The following BTNL8 variants were observed in gnomAD, a reference collection of about 807,000 sequenced individuals.
BTNL8 encodes butyrophilin-like protein 8.
Under a neutral mutation model 36.1 loss-of-function variants are expected in BTNL8, and 22 were observed. The ratio of observed to expected loss-of-function variants is 0.61; its 90% CI spans 0.44 to 0.87. The LOEUF (loss-of-function observed/expected upper bound fraction) is 0.87, where lower values mean the gene tolerates loss of function less well. Ranked by LOEUF, BTNL8 falls within the 40% of genes least tolerant of loss-of-function variation. The probability of loss-of-function intolerance (pLI) is 0.00; values close to 1 mark genes in which losing one functional copy is unlikely to be tolerated. For missense variants in BTNL8, 526 were observed against 616.9 expected, an observed-to-expected ratio of 0.85 and a Z score of 1.56; for synonymous variants, 203 against 235.6, an observed-to-expected ratio of 0.86 and a Z score of 1.27.
intron 7 of BTNL8, 95 bp from the exon 8 acceptor site, chr5:180,949,809 C>T (rs546984623): frequency 4.3e-6 from 6 of 1,386,580 alleles, no homozygotes; most frequent in South Asian, 3.7e-5. Context: ...CTATGCCACC[C>T]AGAGCCAGTC....
Position 180,907,896 on chromosome 5 carries a change from G to A in BTNL8, c.50-690G>A, listed in dbSNP as rs1462460136. 4.2e-4 allele frequency among the ~76,000 whole-genome samples: 64 copies of A among 151,782 alleles called. 1 individual carries two copies. The highest frequency in any genetic ancestry group is 4.0e-3 in the Admixed American group (61 of 15,256). On this transcript the variant is annotated intron_variant, in intron 1 of 7. Coordinates refer to ENST00000340184, the MANE Select transcript of BTNL8 (RefSeq NM_001040462.3). ...CCAGTTCTCAGATCTCCAGCTGCGT[G>A]CTGGGAGAACCACTGCTCTCTTCAA...
intron 2 of BTNL8, among the ~76,000 whole-genome samples, chr5:180,910,148 G>A (rs957450962): frequency 2.0e-5 from 3 of 152,052 alleles, no homozygotes; most frequent in Non-Finnish European, 4.4e-5. Context: ...AGAATCTCAG[G>A]CCTTGGGCAG....
At chr5:180,943,181 C>G (rs141271420) in intron 3 of BTNL8, among the ~76,000 whole-genome samples, 2,303 of 136,332 alleles carry the variant, frequency 0.017, 69 homozygotes, top group African/African-American at 0.061. Flanking sequence ...GTCGCCCAGA[C>G]TGCAGTGCAA....
rs569104776 is a variant in BTNL8, at chr5:180,919,209, C to G, written c.673+7595C>G. The stretch of plus-strand genomic sequence containing the variant: ...GTTGGGATTTGGTATCTTATTGCTA[C>G]AAAGAGTCTGTTTTGTCAGTCTTAA... On this transcript the variant is annotated intron_variant, in intron 3 of 7. Coordinates refer to ENST00000340184, the MANE Select transcript of BTNL8 (RefSeq NM_001040462.3). Among the ~76,000 whole-genome samples the G allele has an allele frequency of 3.9e-5, 6 of 152,306 alleles. No individual in the cohort carries two copies. The South Asian group carries it at 1.2e-3, about 32-fold the overall frequency.
chr5:180,923,084 C>T (rs188335788), intron 3 of BTNL8, among the ~76,000 whole-genome samples: 49 of 152,206 alleles, frequency 3.2e-4, no homozygotes, highest in African/African-American at 1.2e-3. Context: ...GATGTTGTTG[C>T]GTGTGAGATT....
intron 3 of BTNL8, chr5:180,945,751 G>T: frequency 2.0e-6 from 1 of 497,664 alleles, no homozygotes; most frequent in Non-Finnish European, 4.0e-6. Flanking sequence ...ACTCCTGAGA[G>T]CAAGATGGGT....
chr5:180,909,219 G>T (rs573324975), intron 2 of BTNL8, among the ~76,000 whole-genome samples: 2 of 151,960 alleles, frequency 1.3e-5, no homozygotes, highest in African/African-American at 2.4e-5. Flanking sequence ...CCCTGCCTGG[G>T]GTTTTCCATC....
At chr5:180,919,837 A>C (rs186497545) in intron 3 of BTNL8, among the ~76,000 whole-genome samples, 1 of 152,322 alleles carries the variant, frequency 6.6e-6, no homozygotes, top group East Asian at 1.9e-4. Flanking sequence ...CAATGAGGTC[A>C]AAGATCTGTA....
chr5:180,946,934 G>A (rs546710091), intron 3 of BTNL8, among the ~76,000 whole-genome samples: 1 of 152,260 alleles, frequency 6.6e-6, no homozygotes, highest in South Asian at 2.1e-4. Flanking sequence ...TAGTTTTTCA[G>A]ACAAGATGCA....
chr5:180,931,698 C>T (rs1431746941), intron 3 of BTNL8, among the ~76,000 whole-genome samples: 4 of 151,896 alleles, frequency 2.6e-5, no homozygotes, highest in Non-Finnish European at 2.9e-5. Context: ...GGCCAACAAA[C>T]GTGAAAAAAA....
At chr5:180,924,642 C>T (rs1758015411) in intron 3 of BTNL8, among the ~76,000 whole-genome samples, 1 of 152,186 alleles carries the variant, frequency 6.6e-6, no homozygotes, top group Non-Finnish European at 1.5e-5. Context: ...TTCAGAATCC[C>T]AGGCTATATT....
At chr5:180,934,603 G>C (rs1013028593) in intron 3 of BTNL8, among the ~76,000 whole-genome samples, 1 of 152,250 alleles carries the variant, frequency 6.6e-6, no homozygotes, top group Admixed American at 6.5e-5. Context: ...ACAGGTGCCA[G>C]CTCCATGTAA....
chr5:180,907,363 T>C (rs1017305528), intron 1 of BTNL8, among the ~76,000 whole-genome samples: 3 of 125,596 alleles, frequency 2.4e-5, no homozygotes, highest in African/African-American at 1.2e-4. Flanking sequence ...AGCCTTGGTT[T>C]TCAGCTCCAT....
In BTNL8 at chr5:180,941,886, A is replaced by G. The variant is rs1758975017; in HGVS notation, c.674-5626A>G. Among the ~76,000 whole-genome samples, 4 of 61,188 alleles carry G rather than the reference A, an allele frequency of 6.5e-5. No homozygotes were observed. In the South Asian group the frequency reaches 1.3e-3, roughly 21 times the overall value. The allele number at this position is 61,188 out of a possible 152,430, so 40.1% of individuals were successfully genotyped here. A position where few individuals can be genotyped will look rare whatever the true frequency, so the allele number is the denominator to read the frequency against. On this transcript the variant is annotated intron_variant, in intron 3 of 7. Transcript: ENST00000340184. ...AAGCTTTTCAATAAGAACTGGAACA[A>G]GACAAGGATGCCCACTTTTACTACT...
chr5:180,932,621 T>A (rs748678736), intron 3 of BTNL8, among the ~76,000 whole-genome samples: 3 of 152,178 alleles, frequency 2.0e-5, no homozygotes, highest in Non-Finnish European at 2.9e-5. Context: ...AGTGCTGGGA[T>A]TACAGGCGTG....
At chr5:180,906,268 A>G (rs1436380986) in intron 1 of BTNL8, among the ~76,000 whole-genome samples, 1 of 147,918 alleles carries the variant, frequency 6.8e-6, no homozygotes, top group Non-Finnish European at 1.5e-5. Flanking sequence ...TCCCTTTACC[A>G]TTATGTAATG....
intron 1 of BTNL8, among the ~76,000 whole-genome samples, chr5:180,907,872 C>T (rs1447870344): frequency 2.6e-5 from 4 of 151,130 alleles, no homozygotes; most frequent in Non-Finnish European, 1.5e-5. Context: ...GGCAGTCTGC[C>T]AGTTCTCAGA....
Position 180,947,505 on chromosome 5 carries a change from T to C in BTNL8, c.674-7T>C. The stretch of plus-strand genomic sequence containing the variant: ...ATAACTAAAATGTCTGTGGGATTGT[T>C]TTTCAGATACCTTTTTCGAGCCTAT... On this transcript the variant is annotated splice_polypyrimidine_tract_variant and splice_region_variant and intron_variant, in intron 3 of 7. Coordinates refer to ENST00000340184, the MANE Select transcript of BTNL8 (RefSeq NM_001040462.3). The C allele has an allele frequency of 2.5e-6, 4 of 1,612,558 alleles. No homozygotes were observed. Among genetic ancestry groups the C allele is most frequent in the Non-Finnish European group, 3.4e-6 (4 of 1,178,646 alleles).
chr5:180,934,630 A>C (rs1758559919), intron 3 of BTNL8, among the ~76,000 whole-genome samples: 1 of 152,202 alleles, frequency 6.6e-6, no homozygotes, highest in Admixed American at 6.5e-5. Context: ...GTGTGGCTAG[A>C]TCAGATGCAC....
Sources: allele counts gnomAD v4.1 joint callset (sites outside exome capture counted in the v4.1 genomes callset), GRCh38; gene constraint gnomAD v4.1.1; transcripts MANE v1.5; gene names NCBI Gene and HGNC (gene_info 2026-07-23, HGNC 2026-07-21).